Variants in ANK3 observed in about 807,000 individuals in gnomAD.
ANK3 encodes the protein ankyrin 3, also known as ankyrin-3.
ANK3 carries 57 observed loss-of-function variants against 370.9 expected under a neutral mutation model. The observed-to-expected ratio is 0.15, with a 90% confidence interval of 0.12 to 0.19. ANK3 has a LOEUF of 0.19. ANK3 is among the 10% of genes least tolerant of loss of function. The probability of loss-of-function intolerance (pLI) is 1.00; values close to 1 mark genes in which losing one functional copy is unlikely to be tolerated. For missense variants in ANK3, 4,439 were observed against 5,302.1 expected, an observed-to-expected ratio of 0.84 and a Z score of 5.06; for synonymous variants, 1,929 against 1,946.3, an observed-to-expected ratio of 0.99 and a Z score of 0.23.
chr10:60,184,130 G>A (rs757095983), intron 17 of ANK3, among the ~76,000 whole-genome samples: 3 of 152,012 alleles, frequency 2.0e-5, no homozygotes, highest in African/African-American at 7.3e-5. Context: ...ACAATAAAGT[G>A]TTTAGTTCAA....
chr10:60,181,216 G>A (rs538729336), intron 18 of ANK3, 113 bp downstream of exon 18: 14 of 975,198 alleles, frequency 1.4e-5, no homozygotes, highest in South Asian at 5.9e-5. Flanking sequence ...AAAATACTAC[G>A]TAGAAAAGAG....
intron 1 of ANK3, among the ~76,000 whole-genome samples, chr10:60,340,056 C>T (rs10821732): frequency 0.014 from 2,133 of 152,294 alleles, 32 homozygotes; most frequent in East Asian, 0.072. Context: ...TTAATTCTCA[C>T]AAAAATTTTC....
At chr10:60,490,285 T>G (rs2075459891) in intron 2 of ANK3, among the ~76,000 whole-genome samples, 1 of 152,174 alleles carries the variant, frequency 6.6e-6, no homozygotes, top group Non-Finnish European at 1.5e-5. Context: ...ATTCTCAGGG[T>G]CTTTCCCAGT....
intron 1 of ANK3, among the ~76,000 whole-genome samples, chr10:60,703,479 T>C (rs7895268): frequency 0.68 from 103,137 of 151,888 alleles, 35,126 homozygotes; most frequent in South Asian, 0.83. Context: ...TACTACTCTG[T>C]CGGATTTTGT....
intron 2 of ANK3, among the ~76,000 whole-genome samples, chr10:60,514,857 T>A (rs190885061): frequency 1.3e-5 from 2 of 152,112 alleles, no homozygotes; most frequent in African/African-American, 4.8e-5. Context: ...AATAAACACA[T>A]AAAAGTGTAT....
intron 2 of ANK3, among the ~76,000 whole-genome samples, chr10:60,415,923 A>ACC (rs60397919): frequency 1.9e-4 from 12 of 62,714 alleles, no homozygotes; most frequent in East Asian, 5.8e-4. Context: ...TGTGCCCCCC[A>ACC]CCCCCCCGCC....
At chr10:60,145,846 A>T (rs1049485388) in intron 23 of ANK3, 1 of 614,972 alleles carries the variant, frequency 1.6e-6, no homozygotes, top group African/African-American at 1.9e-5. Context: ...GCTTCATATC[A>T]TTGCCCAGAA....
intron 1 of ANK3, among the ~76,000 whole-genome samples, chr10:60,377,348 T>C (rs1422782093): frequency 6.6e-6 from 1 of 152,248 alleles, no homozygotes; most frequent in African/African-American, 2.4e-5. Context: ...AAATGCATTG[T>C]TCAAGGTTAT....
chr10:60,698,789 T>C (rs1028019925), intron 1 of ANK3, among the ~76,000 whole-genome samples: 1 of 143,982 alleles, frequency 6.9e-6, no homozygotes, highest in East Asian at 2.2e-4. Context: ...CATTAGGAGA[T>C]ATACCTAATG....
At chr10:60,511,299 ACTATGACTTT>A (rs1400589031) in intron 2 of ANK3, among the ~76,000 whole-genome samples, 1 of 152,160 alleles carries the variant, frequency 6.6e-6, no homozygotes, top group Admixed American at 6.6e-5. Flanking sequence ...ACTATGACTT[ACTATGACTTT>A]AACTTTTAGC....
intron 42 of ANK3, among the ~76,000 whole-genome samples, chr10:60,052,495 G>T (rs1399963234): frequency 6.6e-6 from 1 of 152,126 alleles, no homozygotes; most frequent in Non-Finnish European, 1.5e-5. Flanking sequence ...TTTTTTTAAA[G>T]AACTGATAAT....
chr10:60,232,101 T>C (rs564390170), intron 8 of ANK3, among the ~76,000 whole-genome samples: 3 of 152,176 alleles, frequency 2.0e-5, no homozygotes, highest in Admixed American at 6.5e-5. Context: ...CCTCTAAAGA[T>C]GGGGCCTGAA....
intron 2 of ANK3, among the ~76,000 whole-genome samples, chr10:60,493,089 A>G (rs1055260547): frequency 6.6e-6 from 1 of 151,612 alleles, no homozygotes; most frequent in Non-Finnish European, 1.5e-5. Flanking sequence ...CAAAAAAAAA[A>G]AAAAAAAAAG....
At chr10:60,641,707 A>G (rs1321647614) in intron 1 of ANK3, among the ~76,000 whole-genome samples, 164 of 151,508 alleles carry the variant, frequency 1.1e-3, no homozygotes, top group Non-Finnish European at 1.6e-3. Context: ...TTACCATTCA[A>G]GACATAGGCT....
At chr10:60,357,556 A>ACCTAGATCTAGC (rs11273202) in intron 1 of ANK3, among the ~76,000 whole-genome samples, 1 of 151,774 alleles carries the variant, frequency 6.6e-6, no homozygotes, top group Non-Finnish European at 1.5e-5. Flanking sequence ...ATCGAGTTGC[A>ACCTAGATCTAGC]CAGTTGAATA....
chr10:60,195,109 CG>C (rs2096563621), intron 16 of ANK3, among the ~76,000 whole-genome samples: 1 of 152,002 alleles, frequency 6.6e-6, no homozygotes, highest in Non-Finnish European at 1.5e-5. Context: ...TAAGGGAGGC[CG>C]GGCGCGGTGT....
At chr10:60,593,506 T>C (rs1479276050) in intron 2 of ANK3, among the ~76,000 whole-genome samples, 1 of 151,946 alleles carries the variant, frequency 6.6e-6, no homozygotes, top group Non-Finnish European at 1.5e-5. Context: ...ATCTTTTTCA[T>C]GTAGCAAATA....
intron 2 of ANK3, among the ~76,000 whole-genome samples, chr10:60,520,858 C>T (rs1307091736): frequency 6.6e-6 from 1 of 152,054 alleles, no homozygotes; most frequent in African/African-American, 2.4e-5. Flanking sequence ...CAATTATACA[C>T]AGTGACATGT....
chr10:60,207,993 G>T, intron 10 of ANK3, 43 bp downstream of exon 10: 1 of 1,553,380 alleles, frequency 6.4e-7, no homozygotes, highest in Non-Finnish European at 8.9e-7. Context: ...AGCACGTTGT[G>T]AGCAAGACAA....
Sources: allele counts gnomAD v4.1 joint callset (sites outside exome capture counted in the v4.1 genomes callset), GRCh38; gene constraint gnomAD v4.1.1; transcripts MANE v1.5; gene names NCBI Gene and HGNC (gene_info 2026-07-23, HGNC 2026-07-21).